The following LAMA2 variants were observed in gnomAD, a reference collection of about 807,000 sequenced individuals.
LAMA2 encodes laminin subunit alpha 2.
In LAMA2, 269 loss-of-function variants were observed where a neutral mutation model predicts 364.8. The observed-to-expected ratio is 0.74, with a 90% CI of 0.67 to 0.82. The LOEUF is 0.82. Ranked by LOEUF, LAMA2 falls within the 40% of genes least tolerant of loss-of-function variation. The probability of loss-of-function intolerance (pLI) is 0.00; values close to 1 mark genes in which losing one functional copy is unlikely to be tolerated. For synonymous variants in LAMA2, 1,379 were observed against 1,370.6 expected (o/e 1.01, Z -0.14); for missense variants, 3,807 against 3,873.2 (o/e 0.98, Z 0.45).
intron 49 of LAMA2, among the ~76,000 whole-genome samples, chr6:129,460,791 A>G (rs1783213457): frequency 6.6e-6 from 1 of 151,912 alleles, no homozygotes. Flanking sequence ...TTTATCTCTT[A>G]CAGGATTTTT....
chr6:129,464,924 T>C (rs896948435), intron 50 of LAMA2, among the ~76,000 whole-genome samples: 4 of 152,026 alleles, frequency 2.6e-5, no homozygotes, highest in African/African-American at 9.7e-5. Context: ...TAAAAGGATA[T>C]GTCTTAGAAA....
At chr6:128,953,252 G>C (rs896275385) in intron 1 of LAMA2, among the ~76,000 whole-genome samples, 50 of 152,042 alleles carry the variant, frequency 3.3e-4, no homozygotes, top group Non-Finnish European at 1.3e-4. Context: ...CCTTTCAATT[G>C]AACCTGTTTC....
intron 12 of LAMA2, among the ~76,000 whole-genome samples, chr6:129,247,029 C>T (rs1282257385): frequency 6.6e-6 from 1 of 152,012 alleles, no homozygotes; most frequent in South Asian, 2.1e-4. Context: ...CTTGATTTTA[C>T]AGCTTATGGA....
At chr6:129,514,113 A>AATT (rs1387586616) in intron 63 of LAMA2, among the ~76,000 whole-genome samples, 1 of 152,132 alleles carries the variant, frequency 6.6e-6, no homozygotes, top group African/African-American at 2.4e-5. Flanking sequence ...CTGAAAGCAG[A>AATT]ATTATTACCA....
At position 129,190,203 on chromosome 6, in the gene LAMA2, A is replaced by G; in HGVS notation, c.1468-2A>G. ...GTTGCTGATACATCTCTTTATTTGCAGGAAAATGTTGAAGGAGGAGACTGT... is the reference window on the plus strand; with the variant it reads ...GTTGCTGATACATCTCTTTATTTGCGGGAAAATGTTGAAGGAGGAGACTGT... On this transcript the variant is annotated splice_acceptor_variant, in intron 10 of 64. Coordinates refer to ENST00000421865, the MANE Select transcript of LAMA2 (RefSeq NM_000426.4). LOFTEE classifies it high-confidence loss of function. 1 of 1,613,308 alleles carries G rather than the reference A, an allele frequency of 6.2e-7. No homozygotes were observed. Among genetic ancestry groups the G allele is most frequent in the Non-Finnish European group, 8.5e-7 (1 of 1,179,318 alleles).
chr6:129,048,859 C>G (rs1007678034), intron 1 of LAMA2, among the ~76,000 whole-genome samples: 5 of 151,976 alleles, frequency 3.3e-5, no homozygotes, highest in Non-Finnish European at 7.4e-5. Context: ...AAGTGATCCG[C>G]CCACCTCAGC....
intron 17 of LAMA2, among the ~76,000 whole-genome samples, chr6:129,278,164 T>C (rs1788458583): frequency 6.6e-6 from 1 of 152,172 alleles, no homozygotes; most frequent in South Asian, 2.1e-4. Context: ...ATTGCACCAC[T>C]GCACTCCAGT....
chr6:129,173,138 C>T (rs1177267598), intron 9 of LAMA2, among the ~76,000 whole-genome samples: 1 of 152,234 alleles, frequency 6.6e-6, no homozygotes. Context: ...TCTTCTGCGT[C>T]GCTCACGCTG....
intron 19 of LAMA2, among the ~76,000 whole-genome samples, chr6:129,290,537 A>G (rs1789618848): frequency 6.6e-6 from 1 of 152,176 alleles, no homozygotes; most frequent in African/African-American, 2.4e-5. Context: ...AAATATTAGC[A>G]TAGGCTGATA....
At chr6:129,006,761 A>G (rs1784462479) in intron 1 of LAMA2, among the ~76,000 whole-genome samples, 1 of 152,146 alleles carries the variant, frequency 6.6e-6, no homozygotes, top group Admixed American at 6.6e-5. Context: ...GTAATCAGGA[A>G]GACATCCCCT....
chr6:129,328,177 T>G (rs764468756), intron 28 of LAMA2, 101 bp from the exon 29 acceptor site: 1 of 995,776 alleles, frequency 1.0e-6, no homozygotes, highest in Non-Finnish European at 1.6e-6. Context: ...CTGCCGCAGG[T>G]GGGGGAAGGC....
chr6:129,209,810 T>C (rs1440092151), intron 12 of LAMA2, among the ~76,000 whole-genome samples: 1 of 151,894 alleles, frequency 6.6e-6, no homozygotes, highest in Non-Finnish European at 1.5e-5. Context: ...GAGACCATCC[T>C]GGCTAACACG....
At chr6:129,083,061 C>T (rs1774163303) in intron 3 of LAMA2, among the ~76,000 whole-genome samples, 1 of 135,304 alleles carries the variant, frequency 7.4e-6, no homozygotes, top group Non-Finnish European at 1.6e-5. Context: ...TTATTTCTGT[C>T]TAGTTCTCCT....
intron 1 of LAMA2, among the ~76,000 whole-genome samples, chr6:128,911,294 G>A (rs555211090): frequency 1.3e-5 from 2 of 152,298 alleles, no homozygotes; most frequent in African/African-American, 2.4e-5. Flanking sequence ...GTGAGACTCC[G>A]TGGGCGTAGT....
chr6:129,486,482 T>C lies in LAMA2; in HGVS notation c.7758T>C (p.Tyr2586=), dbSNP rs1221125594. The change falls in exon 56 of 65, where the codon TAT becomes TAC. Residue 2586 remains tyrosine, a synonymous_variant. Transcript: ENST00000421865. ...RKRRQTGQAY[Y]AILLNRGRLE... Reference sequence around the variant, plus strand: ...ACCACTTGCTGTTGCAGGCCTATTATGCAATACTCCTCAACAGGGGCCGTC... The same window carrying C: ...ACCACTTGCTGTTGCAGGCCTATTACGCAATACTCCTCAACAGGGGCCGTC... 4 of 1,613,584 alleles carry C rather than the reference T, an allele frequency of 2.5e-6. No homozygotes were observed. The highest frequency in any genetic ancestry group is 3.4e-6 in the Non-Finnish European group (4 of 1,179,608).
chr6:129,149,739 C>T (rs1204671021), intron 7 of LAMA2, among the ~76,000 whole-genome samples: 1 of 151,992 alleles, frequency 6.6e-6, no homozygotes, highest in African/African-American at 2.4e-5. Context: ...AACTGCAGAT[C>T]AAAAATGTTT....
chr6:129,328,558 C>A, intron 29 of LAMA2, 146 bp downstream of exon 29: 5 of 1,340,630 alleles, frequency 3.7e-6, no homozygotes, highest in Non-Finnish European at 5.2e-6. Flanking sequence ...AAGATATTCA[C>A]AGATTCTGCA....
At chr6:129,171,507 C>T (rs1445914872) in intron 9 of LAMA2, among the ~76,000 whole-genome samples, 1 of 152,116 alleles carries the variant, frequency 6.6e-6, no homozygotes, top group Admixed American at 6.5e-5. Context: ...TTGGCCCCCA[C>T]TCTCTTCCGG....
At chr6:129,461,518 A>G (rs933976269) in intron 49 of LAMA2, among the ~76,000 whole-genome samples, 1 of 152,078 alleles carries the variant, frequency 6.6e-6, no homozygotes, top group Admixed American at 6.6e-5. Context: ...TACATGAAAG[A>G]CAGTGAAGCC....
Sources: allele counts gnomAD v4.1 joint callset (sites outside exome capture counted in the v4.1 genomes callset), GRCh38; gene constraint gnomAD v4.1.1; transcripts MANE v1.5; gene names NCBI Gene and HGNC (gene_info 2026-07-23, HGNC 2026-07-21).